Variants in FSTL5 observed in about 807,000 individuals in gnomAD.
FSTL5 encodes follistatin like 5, also known as follistatin-related protein 5.
A neutral mutation model predicts 89.1 loss-of-function variants in FSTL5; 62 were observed. That is an observed-to-expected ratio of 0.70 (90% CI 0.57 to 0.86). FSTL5 has a LOEUF of 0.86. Among genes scored for constraint, FSTL5 ranks in the 40% least tolerant of loss-of-function variants. The pLI is 0.00. For synonymous variants in FSTL5, 383 were observed against 346.2 expected (o/e 1.11, Z -1.18); for missense variants, 1,057 against 1,001.6 (o/e 1.06, Z -0.75).
chr4:161,694,450 G>GT lies in FSTL5; in HGVS notation c.728-37957dup, dbSNP rs560513643. On this transcript the variant is annotated intron_variant, in intron 6 of 15. Transcript: ENST00000306100. ...CTGTATTTTGAACTACAGAATTTCT[G>GT]TTTTTTTTATAATTTCTGTTTGTTA... 1.3e-3 allele frequency among the ~76,000 whole-genome samples: 201 copies of GT among 151,304 alleles called. 1 individual carries two copies. Among genetic ancestry groups the GT allele is most frequent in the Middle Eastern group, 6.8e-3 (2 of 292 alleles).
chr4:161,517,021 TG>T (rs1309111840), intron 10 of FSTL5, among the ~76,000 whole-genome samples: 2 of 152,068 alleles, frequency 1.3e-5, no homozygotes, highest in African/African-American at 4.8e-5. Flanking sequence ...CCTGAATAGC[TG>T]GGATTACAGA....
chr4:161,741,944 G>C (rs946278467), intron 6 of FSTL5, among the ~76,000 whole-genome samples: 2 of 151,982 alleles, frequency 1.3e-5, no homozygotes, highest in African/African-American at 4.8e-5. Flanking sequence ...ACGCAGCCTA[G>C]AGACTAGAAA....
At chr4:162,009,572 C>T (rs1322415246) in intron 3 of FSTL5, among the ~76,000 whole-genome samples, 1 of 151,930 alleles carries the variant, frequency 6.6e-6, no homozygotes, top group Non-Finnish European at 1.5e-5. Flanking sequence ...CCTCTGATTG[C>T]CCTTTAAATT....
chr4:161,756,894 T>G (rs956886386), intron 6 of FSTL5, among the ~76,000 whole-genome samples: 1 of 152,194 alleles, frequency 6.6e-6, no homozygotes, highest in African/African-American at 2.4e-5. Flanking sequence ...CTGGGTAAAC[T>G]ATATACGATT....
chr4:161,809,950 A>G (rs1477437370), intron 4 of FSTL5, among the ~76,000 whole-genome samples: 1 of 152,200 alleles, frequency 6.6e-6, no homozygotes, highest in Admixed American at 6.5e-5. Flanking sequence ...ATACCACAGA[A>G]TATTTTGATT....
In FSTL5 at chr4:161,386,320, C is replaced by A. The variant is rs987362994; in HGVS notation, c.1971G>T (p.Leu657Phe). 4 of 1,613,804 alleles carry A rather than the reference C, an allele frequency of 2.5e-6. No individual in the cohort carries two copies. The highest frequency in any genetic ancestry group is 2.5e-6 in the Non-Finnish European group (3 of 1,179,938). The change falls in exon 16 of 16, where the codon TTG (leucine) becomes TTT (phenylalanine). Residue 657 changes from leucine (L) to phenylalanine (F), a missense_variant. Leu to Phe is a conservative substitution (Grantham distance 22). Transcript: ENST00000306100. ...CVPQSLAYTH[L>F]GGYYFIGCKP... The stretch of plus-strand genomic sequence containing the variant: ...TGCAGCCAATGAAGTAGTAGCCTCC[C>A]AAGTGTGTATATGCCAATGACTGAG...
intron 13 of FSTL5, among the ~76,000 whole-genome samples, chr4:161,463,298 A>G (rs1382409830): frequency 6.6e-6 from 1 of 152,202 alleles, no homozygotes; most frequent in Non-Finnish European, 1.5e-5. Flanking sequence ...TGGTTATAAA[A>G]GTTCACCAGA....
chr4:161,617,247 G>T (rs1158551072), intron 7 of FSTL5, among the ~76,000 whole-genome samples: 1 of 151,996 alleles, frequency 6.6e-6, no homozygotes, highest in African/African-American at 2.4e-5. Flanking sequence ...AAATATCCTT[G>T]TAAGTATTTA....
intron 4 of FSTL5, among the ~76,000 whole-genome samples, chr4:161,799,600 A>G (rs7674163): frequency 0.59 from 89,394 of 151,386 alleles, 28,763 homozygotes; most frequent in Non-Finnish European, 0.72. Context: ...CTTGACTCCA[A>G]AAAAGAAATG....
chr4:161,650,332 C>T (rs1736292984), intron 7 of FSTL5, among the ~76,000 whole-genome samples: 1 of 152,014 alleles, frequency 6.6e-6, no homozygotes, highest in Admixed American at 6.6e-5. Flanking sequence ...AATAAAGTGC[C>T]AAACTTACCA....
intron 4 of FSTL5, among the ~76,000 whole-genome samples, chr4:161,916,383 G>GA (rs1192552135): frequency 3.9e-5 from 6 of 152,190 alleles, no homozygotes; most frequent in Admixed American, 1.3e-4. Flanking sequence ...GGAATGACCT[G>GA]ATGCCAGGGT....
intron 12 of FSTL5, among the ~76,000 whole-genome samples, chr4:161,494,739 C>T (rs1222195027): frequency 6.6e-6 from 1 of 152,030 alleles, no homozygotes; most frequent in Non-Finnish European, 1.5e-5. Context: ...TTCAGTTCTA[C>T]AGTTCAGTAT....
Position 161,779,811 on chromosome 4 carries a change from GTA to G in FSTL5, c.410-3739_410-3738del, listed in dbSNP as rs1203119725. On this transcript the variant is annotated intron_variant, in intron 4 of 15. Coordinates refer to ENST00000306100, the MANE Select transcript of FSTL5 (RefSeq NM_020116.5). ...TATATATATATATATATATATATAT[GTA>G]TATATATATATATATATATATATGT... Among the ~76,000 whole-genome samples the G allele has an allele frequency of 6.2e-4, 25 of 40,428 alleles. 1 individual carries two copies. Among genetic ancestry groups the G allele is most frequent in the Non-Finnish European group, 7.8e-4 (17 of 21,794 alleles). The allele number at this position is 40,428 out of a possible 152,430, so 26.5% of individuals were successfully genotyped here.
intron 4 of FSTL5, among the ~76,000 whole-genome samples, chr4:161,805,459 G>T (rs13123726): frequency 0.73 from 111,602 of 151,932 alleles, 41,054 homozygotes; most frequent in Admixed American, 0.76. Flanking sequence ...TAAAAGAGAC[G>T]CATCTTAGAG....
At chr4:161,635,298 G>T (rs1347988310) in intron 7 of FSTL5, among the ~76,000 whole-genome samples, 1 of 152,086 alleles carries the variant, frequency 6.6e-6, no homozygotes, top group Non-Finnish European at 1.5e-5. Context: ...CTGAGGCAGA[G>T]AATTGCTTTA....
chr4:161,551,415 A>G (rs1578918465), intron 8 of FSTL5, among the ~76,000 whole-genome samples: 1 of 151,064 alleles, frequency 6.6e-6, no homozygotes, highest in Non-Finnish European at 1.5e-5. Flanking sequence ...TCCTTTGTCC[A>G]CTTTTTGATG....
chr4:161,419,988 T>C (rs1162354376), intron 15 of FSTL5, among the ~76,000 whole-genome samples: 2 of 152,206 alleles, frequency 1.3e-5, no homozygotes, highest in African/African-American at 4.8e-5. Flanking sequence ...AAGAGAGTTA[T>C]GGTGCTGGCT....
At chr4:162,007,626 T>C (rs1736648915) in intron 3 of FSTL5, among the ~76,000 whole-genome samples, 2 of 148,972 alleles carry the variant, frequency 1.3e-5, no homozygotes, top group African/African-American at 4.9e-5. Flanking sequence ...ATCCAACTTA[T>C]TAAAAAAAAA....
chr4:161,881,555 A>G (rs1432629291), intron 4 of FSTL5, among the ~76,000 whole-genome samples: 1 of 152,002 alleles, frequency 6.6e-6, no homozygotes, highest in East Asian at 1.9e-4. Context: ...TCAGATTTCA[A>G]CTCCAGCGCG....
Sources: gnomAD v4.1 joint callset for allele counts (sites outside exome capture counted in the v4.1 genomes callset) on GRCh38, gnomAD v4.1.1 for gene constraint, MANE v1.5 for transcripts, NCBI Gene and HGNC (gene_info 2026-07-23, HGNC 2026-07-21) for gene names.